The following TEAD3 variants were observed in gnomAD, a reference collection of about 807,000 sequenced individuals.
The protein encoded by TEAD3 is TEA domain transcription factor 3.
A neutral mutation model predicts 55.6 loss-of-function variants in TEAD3; 15 were observed. The observed-to-expected ratio is 0.27, with a 90% CI of 0.18 to 0.42. TEAD3 has a LOEUF of 0.42. TEAD3 is among the 10% of genes least tolerant of loss of function. TEAD3 has a pLI of 1.00. For synonymous variants in TEAD3, 210 were observed against 232.2 expected (o/e 0.90, Z 0.87); for missense variants, 407 against 576.8 (o/e 0.71, Z 3.01).
At position 35,475,952 on chromosome 6, in the gene TEAD3, C is replaced by G; in HGVS notation, c.867G>C (p.Gly289=). Residue 289 remains glycine, a synonymous_variant, in exon 10 of 13, where the codon GGG becomes GGC. Transcript: ENST00000639578. This position sits in a 1 kb window ranked among gnomAD's most constrained non-coding sequence, Gnocchi z 5.4. ...TGACAAGGAAGAAGGCATTAGGGGGCCCCTTCTCATAGAGCTCCTTCAATC... is the reference window on the plus strand; with the variant it reads ...TGACAAGGAAGAAGGCATTAGGGGGGCCCTTCTCATAGAGCTCCTTCAATC... The G allele has an allele frequency of 6.5e-7, 1 of 1,547,378 alleles. No individual in the cohort carries two copies. Among genetic ancestry groups the G allele is most frequent in the South Asian group, 1.2e-5 (1 of 80,052 alleles).
At chr6:35,481,035 G>A (rs1216433622) in intron 3 of TEAD3, among the ~76,000 whole-genome samples, 1 of 151,932 alleles carries the variant, frequency 6.6e-6, no homozygotes, top group African/African-American at 2.4e-5. Flanking sequence ...CCTATGAAAC[G>A]AGGCCTGGCC....
chr6:35,478,882 T>C (rs978598354), intron 5 of TEAD3, among the ~76,000 whole-genome samples: 18 of 147,322 alleles, frequency 1.2e-4, no homozygotes, highest in East Asian at 1.0e-3. Context: ...ATTTTCTTTT[T>C]TTTTTTTTTT....
chr6:35,478,524 G>C, exon 6 of TEAD3: 2 of 1,606,734 alleles, frequency 1.2e-6, no homozygotes, highest in Non-Finnish European at 1.7e-6. Context: ...TCTGGGCAGA[G>C]GACATGGACG....
Position 35,475,616 on chromosome 6 carries a change from C to T in TEAD3, c.991G>A (p.Val331Ile), listed in dbSNP as rs776258115. 48 of 1,613,416 alleles carry T rather than the reference C, an allele frequency of 3.0e-5. No individual in the cohort carries two copies. The Admixed American group carries it at 4.0e-4, about 13-fold the overall frequency. Residue 331 changes from valine (V) to isoleucine (I), a missense_variant, in exon 11 of 13, where the codon GTC becomes ATC. Val to Ile is a conservative substitution (Grantham distance 29, BLOSUM62 3). Transcript: ENST00000639578. The surrounding 1 kb of genome is among the most constrained non-coding windows in gnomAD (Gnocchi z 5.4). ...CCAAAGGAGCACACCTTGGTGGAGA[C>T]GCTGATGGTCATGCTATCAGCAGAG... is the stretch of plus-strand genomic sequence containing the variant.
exon 6 of TEAD3, chr6:35,478,548 G>A (rs767955811): frequency 7.5e-6 from 12 of 1,598,318 alleles, no homozygotes; most frequent in Admixed American, 1.7e-5. Context: ...TGCTCTGAAG[G>A]GCTTTGTCCT....
exon 6 of TEAD3, chr6:35,478,563 G>A (rs1448041249): frequency 6.3e-7 from 1 of 1,590,874 alleles, no homozygotes. Context: ...TGTCCTTGGA[G>A]ACCTGGTCCT....
intron 7 of TEAD3, among the ~76,000 whole-genome samples, chr6:35,477,852 T>C (rs144295427): frequency 2.7e-3 from 411 of 151,916 alleles, no homozygotes; most frequent in Non-Finnish European, 4.9e-3. Flanking sequence ...TTTTTTTCTT[T>C]TTTCAGAGAC....
In TEAD3 at chr6:35,488,413, C is replaced by T. The variant is rs1329472537; in HGVS notation, c.-49-1702G>A. 6.6e-6 allele frequency among the ~76,000 whole-genome samples: 1 copy of T among 152,182 alleles called. No homozygotes were observed. Among genetic ancestry groups the T allele is most frequent in the Non-Finnish European group, 1.5e-5 (1 of 68,042 alleles). On this transcript the variant is annotated intron_variant, in intron 1 of 12. Coordinates refer to ENST00000639578, the Ensembl canonical transcript of TEAD3. This position sits in a 1 kb window ranked among gnomAD's most constrained non-coding sequence, Gnocchi z 4.2. Reference sequence around the variant, plus strand: ...AAGACTCACCCCAAATCCCCTTCAGCCCCAGAACCCACATGTCCAATGTAT... The same window carrying T: ...AAGACTCACCCCAAATCCCCTTCAGTCCCAGAACCCACATGTCCAATGTAT...
Position 35,475,156 on chromosome 6 carries a change from A to G in TEAD3, c.1196T>C (p.Val399Ala). The G allele has an allele frequency of 6.3e-7, 1 of 1,576,836 alleles. No individual in the cohort carries two copies. The highest frequency in any genetic ancestry group is 8.6e-7 in the Non-Finnish European group (1 of 1,161,028). ...CTCCTGGGAGTCCCGGCTCGTGACC[A>G]CCTGGGGGGTGAGCAGGTAAGAGAT... The change falls in exon 13 of 13, where the codon GTG becomes GCG. Residue 399 changes from valine to alanine, a missense_variant and splice_region_variant. Coordinates refer to ENST00000639578, the Ensembl canonical transcript of TEAD3. This position sits in a 1 kb window ranked among gnomAD's most constrained non-coding sequence, Gnocchi z 5.4.
intron 1 of TEAD3, among the ~76,000 whole-genome samples, chr6:35,489,398 T>C (rs1355385123): frequency 6.6e-6 from 1 of 151,824 alleles, no homozygotes; most frequent in African/African-American, 2.4e-5. Context: ...ATAGGGAGGG[T>C]GCTGAGAGAC....
At chr6:35,495,677 C>T (rs1348852499) in intron 1 of TEAD3, among the ~76,000 whole-genome samples, 1 of 152,130 alleles carries the variant, frequency 6.6e-6, no homozygotes, top group African/African-American at 2.4e-5. Flanking sequence ...ATAATTCCCC[C>T]AAATCTCCAA....
Position 35,476,439 on chromosome 6 carries a change from G to A in TEAD3, c.593-4C>T, listed in dbSNP as rs528543511. ...AGCGGGGCCAGGGGCTCATAACCTG[G>A]GAGGGCGAGACAGATTTTCATCTGC... On this transcript the variant is annotated splice_region_variant and splice_polypyrimidine_tract_variant and intron_variant, in intron 8 of 12. Transcript: ENST00000639578. 13 of 1,612,840 alleles carry A rather than the reference G, an allele frequency of 8.1e-6. No homozygotes were observed. The highest frequency in any genetic ancestry group is 4.0e-5 in the African/African-American group (3 of 75,020).
chr6:35,477,265 T>C (rs371539749), intron 8 of TEAD3, 46 bp downstream of exon 8: 1 of 1,600,790 alleles, frequency 6.2e-7, no homozygotes, highest in Non-Finnish European at 8.5e-7. Context: ...CTCTCCTGAG[T>C]GGAGGTGCAG....
chr6:35,494,607 C>A (rs1561809471), intron 1 of TEAD3, among the ~76,000 whole-genome samples: 2 of 152,164 alleles, frequency 1.3e-5, no homozygotes, highest in East Asian at 3.9e-4. Context: ...GAGGCTGCGA[C>A]CTCCTAGCCC....
chr6:35,478,685 T>A, intron 5 of TEAD3, 114 bp from the exon 6 acceptor site: 2 of 1,362,318 alleles, frequency 1.5e-6, no homozygotes, highest in Non-Finnish European at 2.0e-6. Context: ...CAGGTGTTCC[T>A]GAAGATCCAG....
In TEAD3 at chr6:35,491,054, G is replaced by C. The variant is rs1768505512; in HGVS notation, c.-49-4343C>G. ...GGGGCAGGGGAGACAGGCTGGGGGA[G>C]AGTCTGGGGCAAAGAGAAGCTGAGG... On this transcript the variant is annotated intron_variant, in intron 1 of 12. Coordinates refer to ENST00000639578, the Ensembl canonical transcript of TEAD3. The surrounding 1 kb of genome is among the most constrained non-coding windows in gnomAD (Gnocchi z 4.4). Among the ~76,000 whole-genome samples, 6 of 152,176 alleles carry C rather than the reference G, an allele frequency of 3.9e-5. No homozygotes were observed. The South Asian group carries it at 1.2e-3, about 32-fold the overall frequency.
In TEAD3 at chr6:35,489,629, C is replaced by A. The variant is rs1581728762; in HGVS notation, c.-49-2918G>T. ...CCTGACCTGTCAGAGGGGCCAGATG[C>A]CCTCATTCCCAGCCTGTCCCTCACC... On this transcript the variant is annotated intron_variant, in intron 1 of 12. Transcript: ENST00000639578. Among the ~76,000 whole-genome samples, 4 of 152,298 alleles carry A rather than the reference C, an allele frequency of 2.6e-5. No individual in the cohort carries two copies. The South Asian group carries it at 8.3e-4, about 32-fold the overall frequency.
chr6:35,490,776 A>C (rs1768498873), intron 1 of TEAD3, among the ~76,000 whole-genome samples: 2 of 152,260 alleles, frequency 1.3e-5, no homozygotes, highest in South Asian at 4.1e-4. Flanking sequence ...AGAGGAGGCT[A>C]TGGCTCCCTG....
rs1226101276 is a variant in TEAD3 at position 35,488,575 on chromosome 6, C to T, written c.-49-1864G>A. On this transcript the variant is annotated intron_variant, in intron 1 of 12. Coordinates refer to ENST00000639578, the Ensembl canonical transcript of TEAD3. The surrounding 1 kb of genome is among the most constrained non-coding windows in gnomAD (Gnocchi z 4.2). ...AGAGGAAGATGAATTCCAGGTCCTG[C>T]TGCTTGAGTCGGGGTGGACTCTCTC... 2.0e-5 allele frequency among the ~76,000 whole-genome samples: 3 copies of T among 152,038 alleles called. No individual in the cohort carries two copies. Among genetic ancestry groups the T allele is most frequent in the African/African-American group, 4.8e-5 (2 of 41,402 alleles).
Sources: allele counts gnomAD v4.1 joint callset (sites outside exome capture counted in the v4.1 genomes callset), GRCh38; gene constraint gnomAD v4.1.1; non-coding constraint Gnocchi (gnomAD v3.1); transcripts MANE v1.5; gene names NCBI Gene and HGNC (gene_info 2026-07-23, HGNC 2026-07-21).